MAP1B: variants seen among roughly 807,000 people sequenced by gnomAD.
MAP1B encodes the protein microtubule associated protein 1B.
A neutral mutation model predicts 176.1 loss-of-function variants in MAP1B; 12 were observed. The observed-to-expected ratio is 0.07, with a 90% CI of 0.04 to 0.11. MAP1B has a LOEUF of 0.11. Among genes scored for constraint, MAP1B ranks in the 10% least tolerant of loss-of-function variants. The probability of loss-of-function intolerance (pLI) is 1.00; values close to 1 mark genes in which losing one functional copy is unlikely to be tolerated. For synonymous variants in MAP1B, 1,044 were observed against 1,135.0 expected (o/e 0.92, Z 1.61); for missense variants, 2,523 against 2,990.5 (o/e 0.84, Z 3.65).
At chr5:72,113,285 G>T (rs886168320) in intron 1 of MAP1B, among the ~76,000 whole-genome samples, 1 of 152,134 alleles carries the variant, frequency 6.6e-6, no homozygotes, top group African/African-American at 2.4e-5. Context: ...TAGTGGTTGT[G>T]CATTGCTAAG....
intron 2 of MAP1B, among the ~76,000 whole-genome samples, chr5:72,133,382 A>G (rs1415134905): frequency 6.6e-6 from 1 of 152,204 alleles, no homozygotes; most frequent in African/African-American, 2.4e-5. Context: ...GTGGAAAAGG[A>G]GGTATCTGAT....
chr5:72,122,193 C>G (rs768281694), intron 2 of MAP1B, among the ~76,000 whole-genome samples: 2 of 152,150 alleles, frequency 1.3e-5, no homozygotes, highest in Non-Finnish European at 2.9e-5. Flanking sequence ...ATGCAAATCC[C>G]TAGCCTTTCT....
intron 2 of MAP1B, among the ~76,000 whole-genome samples, chr5:72,153,790 G>A (rs1280509442): frequency 6.6e-6 from 1 of 152,136 alleles, no homozygotes; most frequent in Admixed American, 6.6e-5. Flanking sequence ...AATAACAAAT[G>A]AGAATAGAAA....
chr5:72,203,430 C>T, intron 5 of MAP1B, 133 bp from the exon 6 acceptor site: 1 of 713,962 alleles, frequency 1.4e-6, no homozygotes, highest in Non-Finnish European at 2.5e-6. Flanking sequence ...GAAATGCTGT[C>T]ACCACTTTGC....
At chr5:72,159,051 G>A (rs1746281883) in intron 2 of MAP1B, among the ~76,000 whole-genome samples, 1 of 152,150 alleles carries the variant, frequency 6.6e-6, no homozygotes, top group South Asian at 2.1e-4. Context: ...TGAGGAACCT[G>A]AGGGTCAGAG....
chr5:72,150,929 G>A (rs1746128622), intron 2 of MAP1B, among the ~76,000 whole-genome samples: 1 of 152,198 alleles, frequency 6.6e-6, no homozygotes, highest in South Asian at 2.1e-4. Flanking sequence ...GCACAGCAGA[G>A]TTAGCGGGCA....
At position 72,195,066 on chromosome 5, in the gene MAP1B, G is replaced by T; in HGVS notation, c.1711G>T (p.Val571Leu). The change falls in exon 5 of 7, where the codon GTG (valine) becomes TTG (leucine). Residue 571 changes from valine to leucine, a missense_variant. This residue lies in a region of MAP1B where 1,925 missense variants were observed against 2,126.0 expected (regional missense o/e 0.91). Transcript: ENST00000296755. ...AGAAGAAACCCCTGAGGTCACAAAA[G>T]TGAATCACGTGGAAAAGCCACCCAA... The part of the protein sequence containing the change: ...SKEETPEVTK[V>L]NHVEKPPKVE... The T allele has an allele frequency of 6.2e-7, 1 of 1,614,036 alleles. No homozygotes were observed. Among genetic ancestry groups the T allele is most frequent in the Non-Finnish European group, 8.5e-7 (1 of 1,180,008 alleles).
chr5:72,201,212 A>T (rs1747328499), intron 5 of MAP1B, among the ~76,000 whole-genome samples: 1 of 137,890 alleles, frequency 7.3e-6, no homozygotes. Flanking sequence ...AAAAAAAAAA[A>T]TGTTTTTTAA....
Position 72,208,581 on chromosome 5 carries a change from C to A in MAP1B, c.*3342C>A, listed in dbSNP as rs1747503877. 6.6e-6 allele frequency: 1 copy of A among 152,146 alleles called. No individual in the cohort carries two copies. Among genetic ancestry groups the A allele is most frequent in the Non-Finnish European group, 1.5e-5 (1 of 68,022 alleles). The allele number at this position is 152,146 out of a possible 1,614,324, so 9.4% of individuals were successfully genotyped here. The stretch of plus-strand genomic sequence containing the variant: ...CTTCCCCTCCTCCCCTCTTTAAACA[C>A]CATTTTCCATGGAGTTCAAAAAAAT... On this transcript the variant is annotated 3_prime_UTR_variant, in exon 7 of 7. Coordinates refer to ENST00000296755, the MANE Select transcript of MAP1B (RefSeq NM_005909.5).
chr5:72,158,696 G>C (rs1746274359), intron 2 of MAP1B, among the ~76,000 whole-genome samples: 2 of 152,208 alleles, frequency 1.3e-5, no homozygotes, highest in African/African-American at 4.8e-5. Context: ...GAAGGCGACA[G>C]GTAGGATTGA....
At chr5:72,108,899 C>A (rs1448010846) in intron 1 of MAP1B, among the ~76,000 whole-genome samples, 1 of 152,224 alleles carries the variant, frequency 6.6e-6, no homozygotes, top group African/African-American at 2.4e-5. Flanking sequence ...CCGGGTCCCT[C>A]CGCAGCCCCA....
chr5:72,140,208 C>G (rs908128631), intron 2 of MAP1B, among the ~76,000 whole-genome samples: 9 of 152,178 alleles, frequency 5.9e-5, no homozygotes, highest in African/African-American at 2.2e-4. Context: ...AGCAATCTGC[C>G]CTCCTCAGCC....
At chr5:72,121,253 G>A (rs953195020) in intron 2 of MAP1B, among the ~76,000 whole-genome samples, 7 of 152,214 alleles carry the variant, frequency 4.6e-5, no homozygotes, top group Non-Finnish European at 7.3e-5. Flanking sequence ...TTCTACACTC[G>A]CTTTTCTCTT....
intron 2 of MAP1B, among the ~76,000 whole-genome samples, chr5:72,159,994 A>G (rs1301328009): frequency 6.6e-6 from 1 of 152,204 alleles, no homozygotes; most frequent in African/African-American, 2.4e-5. Flanking sequence ...CGTCTTGTAG[A>G]GCTAAAATGT....
chr5:72,122,285 C>A (rs1343477154), intron 2 of MAP1B, among the ~76,000 whole-genome samples: 1 of 152,090 alleles, frequency 6.6e-6, no homozygotes, highest in African/African-American at 2.4e-5. Context: ...TGTCCGCTCT[C>A]ACCCCAGTGC....
At chr5:72,202,968 G>C (rs1747362920) in intron 5 of MAP1B, among the ~76,000 whole-genome samples, 1 of 152,184 alleles carries the variant, frequency 6.6e-6, no homozygotes, top group Non-Finnish European at 1.5e-5. Flanking sequence ...GTGCTAAGGA[G>C]AGAATATGGT....
At chr5:72,155,760 T>C (rs899165480) in intron 2 of MAP1B, among the ~76,000 whole-genome samples, 7 of 144,870 alleles carry the variant, frequency 4.8e-5, no homozygotes, top group African/African-American at 1.8e-4. Flanking sequence ...TGATTGATTT[T>C]CTTTTCTTTT....
At chr5:72,154,410 A>G (rs1164411376) in intron 2 of MAP1B, among the ~76,000 whole-genome samples, 1 of 152,226 alleles carries the variant, frequency 6.6e-6, no homozygotes, top group Non-Finnish European at 1.5e-5. Context: ...CTATTTGTGA[A>G]CAGACACAGG....
chr5:72,150,764 G>T (rs946151836), intron 2 of MAP1B, among the ~76,000 whole-genome samples: 8 of 152,100 alleles, frequency 5.3e-5, no homozygotes, highest in African/African-American at 1.9e-4. Context: ...TTGGTGTTCT[G>T]TTCCTGCATT....
Sources: allele counts gnomAD v4.1 joint callset (sites outside exome capture counted in the v4.1 genomes callset), GRCh38; gene constraint gnomAD v4.1.1; regional missense constraint gnomAD v4.1.1; transcripts MANE v1.5; gene names NCBI Gene and HGNC (gene_info 2026-07-23, HGNC 2026-07-21).